Variants in RSU1 observed in about 807,000 individuals in gnomAD.
RSU1 encodes rsu-1.
In RSU1, 26 loss-of-function variants were observed where a neutral mutation model predicts 31.1. The observed-to-expected ratio is 0.84, with a 90% confidence interval of 0.61 to 1.16. RSU1 has a LOEUF of 1.16. Ranked by LOEUF, RSU1 falls within the 50% of genes most tolerant of loss-of-function variation. RSU1 has a pLI of 0.00. For missense variants in RSU1, 320 were observed against 339.1 expected (o/e 0.94, Z 0.44); for synonymous variants, 164 against 136.3 (o/e 1.20, Z -1.41).
chr10:16,688,867 G>A (rs995973168), intron 8 of RSU1, among the ~76,000 whole-genome samples: 1 of 151,990 alleles, frequency 6.6e-6, no homozygotes, highest in East Asian at 1.9e-4. Flanking sequence ...AACTAGCCAG[G>A]CGTTGTGGTG....
At chr10:16,619,741 T>C (rs952439308) in intron 8 of RSU1, among the ~76,000 whole-genome samples, 1 of 152,246 alleles carries the variant, frequency 6.6e-6, no homozygotes, top group African/African-American at 2.4e-5. Context: ...GGCAGTTATG[T>C]TAGCTATATC....
rs551242256 is a variant in RSU1 at position 16,751,484 on chromosome 10, G to C, written c.598+1055C>G. 2.6e-5 allele frequency among the ~76,000 whole-genome samples: 4 copies of C among 152,280 alleles called. No individual in the cohort carries two copies. In the South Asian group the frequency reaches 8.3e-4, roughly 32 times the overall value. ...CAAGGTGCTGATAGGCGTGCTCTGTGTCTCAGTCTTCCTATGCGTAACCAT... is the reference window on the plus strand; with the variant it reads ...CAAGGTGCTGATAGGCGTGCTCTGTCTCTCAGTCTTCCTATGCGTAACCAT... On this transcript the variant is annotated intron_variant, in intron 7 of 8. Transcript: ENST00000345264.
Position 16,776,719 on chromosome 10 carries a change from A to G in RSU1, c.160+5315T>C, listed in dbSNP as rs571991081. On this transcript the variant is annotated intron_variant, in intron 3 of 8. Coordinates refer to ENST00000345264, the MANE Select transcript of RSU1 (RefSeq NM_012425.4). Reference sequence around the variant, plus strand: ...GTTTTACATAAATGTCGGCTCCTCAATGTTTGCACAGAGCAAAAAGATATC... The same window carrying G: ...GTTTTACATAAATGTCGGCTCCTCAGTGTTTGCACAGAGCAAAAAGATATC... Among the ~76,000 whole-genome samples, 5 of 151,686 alleles carry G rather than the reference A, an allele frequency of 3.3e-5. No homozygotes were observed. The South Asian group carries it at 6.3e-4, about 19-fold the overall frequency.
At chr10:16,780,172 T>C (rs1302231510) in intron 3 of RSU1, among the ~76,000 whole-genome samples, 1 of 152,180 alleles carries the variant, frequency 6.6e-6, no homozygotes, top group African/African-American at 2.4e-5. Flanking sequence ...TCTATCTTTG[T>C]GAAGATGTAA....
At chr10:16,703,173 C>T (rs1262128069) in intron 7 of RSU1, among the ~76,000 whole-genome samples, 1 of 152,184 alleles carries the variant, frequency 6.6e-6, no homozygotes, top group African/African-American at 2.4e-5. Flanking sequence ...CAGATGCCAG[C>T]ATCATGCTTC....
intron 8 of RSU1, among the ~76,000 whole-genome samples, chr10:16,660,701 C>A (rs932183217): frequency 3.9e-5 from 5 of 127,310 alleles, no homozygotes; most frequent in Non-Finnish European, 6.2e-5. Flanking sequence ...GGCTGAAGTG[C>A]AATGGCACCA....
intron 7 of RSU1, among the ~76,000 whole-genome samples, chr10:16,701,705 T>A (rs1050077385): frequency 2.0e-5 from 3 of 152,148 alleles, no homozygotes; most frequent in Non-Finnish European, 2.9e-5. Flanking sequence ...GATTTAAGTG[T>A]GTGCTGGTGT....
chr10:16,704,214 C>T (rs1342453191), intron 7 of RSU1, among the ~76,000 whole-genome samples: 5 of 151,996 alleles, frequency 3.3e-5, no homozygotes, highest in African/African-American at 9.7e-5. Flanking sequence ...AAAAACCTAC[C>T]AACTGGAGAA....
intron 2 of RSU1, among the ~76,000 whole-genome samples, chr10:16,808,830 C>T (rs1441685471): frequency 1.3e-5 from 2 of 152,156 alleles, no homozygotes; most frequent in African/African-American, 4.8e-5. Context: ...TTAAGGTGGA[C>T]CCTATCCCAA....
At chr10:16,791,076 G>C (rs1046239852) in intron 2 of RSU1, among the ~76,000 whole-genome samples, 3 of 152,114 alleles carry the variant, frequency 2.0e-5, no homozygotes, top group Non-Finnish European at 2.9e-5. Context: ...GAACTAGCTG[G>C]AGTGCAGTGG....
intron 7 of RSU1, among the ~76,000 whole-genome samples, chr10:16,743,584 C>T (rs180836595): frequency 6.6e-6 from 1 of 152,280 alleles, no homozygotes; most frequent in East Asian, 1.9e-4. Context: ...GAAAGTGGCA[C>T]AGTTTACAAT....
intron 8 of RSU1, among the ~76,000 whole-genome samples, chr10:16,651,991 A>G (rs966061945): frequency 8.5e-5 from 13 of 152,222 alleles, no homozygotes; most frequent in African/African-American, 3.1e-4. Context: ...AGTAACTCAG[A>G]CTTTTACATT....
chr10:16,807,963 C>T (rs1018234107), intron 2 of RSU1, among the ~76,000 whole-genome samples: 15 of 149,130 alleles, frequency 1.0e-4, no homozygotes, highest in African/African-American at 3.2e-4. Flanking sequence ...GCAGAGCTTG[C>T]AGCGAGCCGA....
At chr10:16,666,775 G>T (rs1243173639) in intron 8 of RSU1, among the ~76,000 whole-genome samples, 1 of 151,992 alleles carries the variant, frequency 6.6e-6, no homozygotes, top group Non-Finnish European at 1.5e-5. Context: ...ATTACTTGAG[G>T]TCAGGAGTTC....
chr10:16,784,728 C>T (rs1337376625), intron 2 of RSU1, among the ~76,000 whole-genome samples: 1 of 152,084 alleles, frequency 6.6e-6, no homozygotes, highest in Non-Finnish European at 1.5e-5. Flanking sequence ...AGGGGAACTC[C>T]CCTTCATAAA....
intron 7 of RSU1, among the ~76,000 whole-genome samples, chr10:16,724,376 C>T (rs1393421881): frequency 6.6e-6 from 1 of 152,186 alleles, no homozygotes; most frequent in Admixed American, 6.5e-5. Context: ...TCCAACACCA[C>T]AAACTATAAT....
chr10:16,735,893 G>T (rs1836615618), intron 7 of RSU1, among the ~76,000 whole-genome samples: 1 of 152,092 alleles, frequency 6.6e-6, no homozygotes, highest in South Asian at 2.1e-4. Flanking sequence ...TGGGGGCACA[G>T]CCAAACCGTA....
At chr10:16,673,555 A>G (rs370869830) in intron 8 of RSU1, among the ~76,000 whole-genome samples, 3 of 152,288 alleles carry the variant, frequency 2.0e-5, no homozygotes, top group African/African-American at 2.4e-5. Flanking sequence ...CCCTGTCTTG[A>G]CAGGATTCTT....
chr10:16,774,218 G>A (rs1468416499), intron 3 of RSU1, among the ~76,000 whole-genome samples: 1 of 152,076 alleles, frequency 6.6e-6, no homozygotes, highest in African/African-American at 2.4e-5. Flanking sequence ...TAATAAGATG[G>A]CACTTATCAA....
Sources: allele counts gnomAD v4.1 joint callset (sites outside exome capture counted in the v4.1 genomes callset), GRCh38; gene constraint gnomAD v4.1.1; transcripts MANE v1.5; gene names NCBI Gene and HGNC (gene_info 2026-07-23, HGNC 2026-07-21).